The following ANKS1B variants were observed in gnomAD, a reference collection of about 807,000 sequenced individuals.
ANKS1B encodes the protein ankyrin repeat and sterile alpha motif domain containing 1B.
In ANKS1B, 36 loss-of-function variants were observed where a neutral mutation model predicts 148.3. The ratio of observed to expected loss-of-function variants is 0.24; its 90% CI spans 0.19 to 0.32. ANKS1B has a LOEUF of 0.32. Among genes scored for constraint, ANKS1B ranks in the 10% least tolerant of loss-of-function variants. The probability of loss-of-function intolerance (pLI) is 1.00; values close to 1 mark genes in which losing one functional copy is unlikely to be tolerated. For synonymous variants in ANKS1B, 542 were observed against 560.8 expected (o/e 0.97, Z 0.47); for missense variants, 1,157 against 1,542.6 (o/e 0.75, Z 4.19).
intron 17 of ANKS1B, among the ~76,000 whole-genome samples, chr12:98,955,964 T>C (rs866648456): frequency 3.3e-5 from 5 of 152,184 alleles, no homozygotes; most frequent in African/African-American, 7.2e-5. Flanking sequence ...GTGAAGCACT[T>C]TGGGATGTGA....
At chr12:99,652,223 A>C (rs754594840) in intron 9 of ANKS1B, among the ~76,000 whole-genome samples, 5 of 152,106 alleles carry the variant, frequency 3.3e-5, no homozygotes, top group Non-Finnish European at 7.4e-5. Context: ...CTGTAATACC[A>C]GCACTTTGGG....
chr12:98,816,678 T>C (rs914161423), intron 19 of ANKS1B, among the ~76,000 whole-genome samples: 18 of 152,214 alleles, frequency 1.2e-4, no homozygotes, highest in Admixed American at 3.3e-4. Flanking sequence ...AAGTAGTTAC[T>C]GGTCATCTAC....
chr12:99,440,776 C>G (rs1441253292), intron 11 of ANKS1B, among the ~76,000 whole-genome samples: 2 of 151,814 alleles, frequency 1.3e-5, no homozygotes, highest in Non-Finnish European at 2.9e-5. Context: ...TCCTTCGTTA[C>G]AATGGATGCT....
intron 8 of ANKS1B, among the ~76,000 whole-genome samples, chr12:99,701,788 G>A (rs2054869095): frequency 6.6e-6 from 1 of 152,016 alleles, no homozygotes; most frequent in Non-Finnish European, 1.5e-5. Flanking sequence ...GTGAGAACAT[G>A]CAAAGTTTGT....
intron 17 of ANKS1B, among the ~76,000 whole-genome samples, chr12:99,047,033 G>C (rs2099962947): frequency 6.6e-6 from 1 of 152,108 alleles, no homozygotes; most frequent in South Asian, 2.1e-4. Flanking sequence ...GTGAACTGTA[G>C]TACAACTTTA....
intron 8 of ANKS1B, among the ~76,000 whole-genome samples, chr12:99,668,427 T>A (rs1208810075): frequency 1.3e-5 from 2 of 152,088 alleles, no homozygotes; most frequent in Non-Finnish European, 1.5e-5. Context: ...TCATTTTTTT[T>A]AAATGTGGAA....
chr12:99,868,595 T>G (rs768134625), intron 1 of ANKS1B, among the ~76,000 whole-genome samples: 6 of 152,126 alleles, frequency 3.9e-5, no homozygotes, highest in Non-Finnish European at 7.4e-5. Flanking sequence ...ATAGCAAGAT[T>G]ATTGGATTTC....
intron 9 of ANKS1B, among the ~76,000 whole-genome samples, chr12:99,548,901 G>A (rs1254313737): frequency 1.3e-5 from 2 of 152,014 alleles, no homozygotes; most frequent in African/African-American, 2.4e-5. Flanking sequence ...TAAGTGTAGG[G>A]AACAAGATTG....
At position 99,019,406 on chromosome 12, in the gene ANKS1B, C is replaced by T. The variant is rs55952789; in HGVS notation, c.2778+33751G>A. On this transcript the variant is annotated intron_variant, in intron 17 of 26. Coordinates refer to ENST00000683438, the MANE Select transcript of ANKS1B (RefSeq NM_001352186.2). ...GGATACAGGGCATTGAGGGGATTGA[C>T]ATTTGGTGGCCAAGTCATTATAGCT... Among the ~76,000 whole-genome samples, 781 of 152,210 alleles carry T rather than the reference C, an allele frequency of 5.1e-3. 4 individuals are homozygous for T. The highest frequency in any genetic ancestry group is 0.018 in the African/African-American group (731 of 41,542).
At chr12:99,484,309 G>C (rs962210416) in intron 10 of ANKS1B, among the ~76,000 whole-genome samples, 3 of 151,808 alleles carry the variant, frequency 2.0e-5, no homozygotes, top group Non-Finnish European at 2.9e-5. Flanking sequence ...TAGTTTTGAG[G>C]GTTCCTTTTT....
chr12:99,722,505 C>T (rs982791494), intron 8 of ANKS1B, among the ~76,000 whole-genome samples: 1 of 152,180 alleles, frequency 6.6e-6, no homozygotes, highest in Non-Finnish European at 1.5e-5. Flanking sequence ...GCACAGTTTA[C>T]TGACCATTTT....
chr12:99,588,221 T>C (rs1364132544), intron 9 of ANKS1B, among the ~76,000 whole-genome samples: 4 of 151,932 alleles, frequency 2.6e-5, no homozygotes, highest in Admixed American at 1.3e-4. Flanking sequence ...AGCTAAACAC[T>C]CTTAGAATTA....
intron 25 of ANKS1B, among the ~76,000 whole-genome samples, chr12:98,762,861 C>A (rs1262881387): frequency 6.6e-6 from 1 of 152,224 alleles, no homozygotes; most frequent in Admixed American, 6.5e-5. Flanking sequence ...CTTTGCATCT[C>A]TAGGGCTTAG....
intron 12 of ANKS1B, among the ~76,000 whole-genome samples, chr12:99,389,087 T>C (rs2093972666): frequency 6.6e-6 from 1 of 152,184 alleles, no homozygotes; most frequent in Non-Finnish European, 1.5e-5. Context: ...GATCACAGCC[T>C]TCTTAGAATC....
At chr12:99,465,383 A>G (rs1372309403) in intron 10 of ANKS1B, among the ~76,000 whole-genome samples, 1 of 152,252 alleles carries the variant, frequency 6.6e-6, no homozygotes, top group Admixed American at 6.5e-5. Context: ...AACTGCATCA[A>G]CTAACGAGCA....
intron 16 of ANKS1B, among the ~76,000 whole-genome samples, chr12:99,071,797 C>A (rs1428378802): frequency 6.6e-6 from 1 of 151,996 alleles, no homozygotes; most frequent in East Asian, 1.9e-4. Context: ...AAGGTGCGCG[C>A]CACCATGCCA....
chr12:99,013,542 G>A (rs191550209), intron 17 of ANKS1B, among the ~76,000 whole-genome samples: 4 of 152,132 alleles, frequency 2.6e-5, no homozygotes, highest in Non-Finnish European at 4.4e-5. Context: ...GAAATAAAGC[G>A]CATCCAAACA....
intron 15 of ANKS1B, among the ~76,000 whole-genome samples, chr12:99,132,978 A>G (rs1465914450): frequency 6.8e-6 from 1 of 146,650 alleles, no homozygotes; most frequent in Non-Finnish European, 1.5e-5. Flanking sequence ...TGATTTTTGT[A>G]TTTATTTCAA....
In ANKS1B at chr12:99,084,882, T is replaced by A. The variant is rs764183809; in HGVS notation, c.2625+43A>T. 1.3e-5 allele frequency: 20 copies of A among 1,496,174 alleles called. No homozygotes were observed. The East Asian group carries it at 4.6e-4, about 35-fold the overall frequency. The allele number at this position is 1,496,174 out of a possible 1,614,324, so 92.7% of individuals were successfully genotyped here. A position where few individuals can be genotyped will look rare whatever the true frequency, so the allele number is the denominator to read the frequency against. ...CTTGCATGCCTGGACTCAAAATCAC[T>A]GGGAACCGTACACAGGACTAGGGCA... On this transcript the variant is annotated intron_variant, in intron 16 of 26. Transcript: ENST00000683438.
Sources: gnomAD v4.1 joint callset for allele counts (sites outside exome capture counted in the v4.1 genomes callset) on GRCh38, gnomAD v4.1.1 for gene constraint, MANE v1.5 for transcripts, NCBI Gene and HGNC (gene_info 2026-07-23, HGNC 2026-07-21) for gene names.